PTPRJ: variants seen among roughly 807,000 people sequenced by gnomAD.
The protein encoded by PTPRJ is protein tyrosine phosphatase receptor type J, also known as receptor-type tyrosine-protein phosphatase eta.
In PTPRJ, 129 loss-of-function variants were observed where a neutral mutation model predicts 141.3. The ratio of observed to expected loss-of-function variants is 0.91; its 90% CI spans 0.79 to 1.06. The LOEUF is 1.06. PTPRJ is among the 50% of genes least tolerant of loss of function. The pLI is 0.00. For synonymous variants in PTPRJ, 610 were observed against 640.5 expected (o/e 0.95, Z 0.72); for missense variants, 1,601 against 1,679.7 (o/e 0.95, Z 0.82).
chr11:48,077,495 C>G (rs1855436042), intron 1 of PTPRJ, among the ~76,000 whole-genome samples: 2 of 152,198 alleles, frequency 1.3e-5, no homozygotes, highest in African/African-American at 4.8e-5. Flanking sequence ...GAATCCCTCC[C>G]AGTTTTGATG....
rs117170141 is a variant in PTPRJ, at chr11:48,032,846, C to T, written c.96+51838C>T. Among the ~76,000 whole-genome samples the T allele has an allele frequency of 5.5e-3, 843 of 152,290 alleles. 5 individuals are homozygous for T. Among genetic ancestry groups the T allele is most frequent in the Non-Finnish European group, 8.5e-3 (576 of 68,036 alleles). ...TTTATTCAACACAGTTTGTTCCAAA[C>T]ACTGGGGATATGCCCCAAACAGACC... On this transcript the variant is annotated intron_variant, in intron 1 of 24. Coordinates refer to ENST00000418331, the MANE Select transcript of PTPRJ (RefSeq NM_002843.4).
At chr11:48,006,232 C>T (rs1373007996) in intron 1 of PTPRJ, among the ~76,000 whole-genome samples, 5 of 152,082 alleles carry the variant, frequency 3.3e-5, no homozygotes, top group African/African-American at 1.2e-4. Context: ...TCATCTGGAA[C>T]CTGGGGCTCT....
intron 1 of PTPRJ, among the ~76,000 whole-genome samples, chr11:48,089,797 A>G (rs536246908): frequency 6.6e-6 from 1 of 152,280 alleles, no homozygotes; most frequent in South Asian, 2.1e-4. Flanking sequence ...TGGAGGGTGT[A>G]AGGTAGAGTG....
chr11:48,082,717 T>C (rs903862098), intron 1 of PTPRJ, among the ~76,000 whole-genome samples: 1 of 151,954 alleles, frequency 6.6e-6, no homozygotes, highest in Admixed American at 6.6e-5. Context: ...CCTGGCCCAG[T>C]TGCTCTTTAC....
chr11:48,137,491 T>C (rs773375315), intron 10 of PTPRJ, among the ~76,000 whole-genome samples: 1 of 152,210 alleles, frequency 6.6e-6, no homozygotes, highest in Non-Finnish European at 1.5e-5. Context: ...ATATACCATA[T>C]GCCAGTCAAG....
At position 48,039,822 on chromosome 11, in the gene PTPRJ, A is replaced by G. The variant is rs1346020290; in HGVS notation, c.96+58814A>G. 2.7e-5 allele frequency among the ~76,000 whole-genome samples: 4 copies of G among 147,118 alleles called. No individual in the cohort carries two copies. In the East Asian group the frequency reaches 7.9e-4, roughly 29 times the overall value. On this transcript the variant is annotated intron_variant, in intron 1 of 24. Transcript: ENST00000418331. ...TTTTTTTTTGAGACAGAGTTTTGCT[A>G]TTGTCATCCAGGCTGGGGTGCAGTA...
chr11:48,128,678 C>G (rs1245286385), intron 7 of PTPRJ, among the ~76,000 whole-genome samples: 1 of 152,158 alleles, frequency 6.6e-6, no homozygotes, highest in Non-Finnish European at 1.5e-5. Flanking sequence ...TTTATAGACA[C>G]TGTAGTGGCC....
At chr11:48,095,579 C>A (rs1321507005) in intron 1 of PTPRJ, among the ~76,000 whole-genome samples, 8 of 137,024 alleles carry the variant, frequency 5.8e-5, no homozygotes, top group Admixed American at 1.5e-4. Context: ...CAAACATATA[C>A]TTTTTTTTTT....
chr11:48,165,910 G>T (rs1857905412), intron 24 of PTPRJ, among the ~76,000 whole-genome samples: 1 of 151,438 alleles, frequency 6.6e-6, no homozygotes, highest in Non-Finnish European at 1.5e-5. Flanking sequence ...CACCGGGCTG[G>T]ATTGCAGTGG....
chr11:48,154,098 G>T (rs1857547591), intron 19 of PTPRJ, among the ~76,000 whole-genome samples: 1 of 152,228 alleles, frequency 6.6e-6, no homozygotes, highest in South Asian at 2.1e-4. Flanking sequence ...GCCTTATGAA[G>T]TAGGTAGTAG....
Position 48,123,839 on chromosome 11 carries a change from G to C in PTPRJ, c.843G>C (p.Lys281Asn). The C allele has an allele frequency of 1.2e-6, 2 of 1,614,096 alleles. No individual in the cohort carries two copies. Among genetic ancestry groups the C allele is most frequent in the Non-Finnish European group, 1.7e-6 (2 of 1,179,998 alleles). The change falls in exon 5 of 25, where the codon AAG (lysine) becomes AAC (asparagine). Residue 281 changes from lysine to asparagine, a missense_variant. Lys to Asn is a moderately conservative substitution (Grantham distance 94). Coordinates refer to ENST00000418331, the MANE Select transcript of PTPRJ (RefSeq NM_002843.4). The part of the protein sequence containing the change: ...NPYLLQSNKT[K>N]GDPLGTEGGL... ...ATCTTCTACAATCAAATAAGACAAAGGGAGACCCCTTGGGCACAGAAGGTG... is the reference window on the plus strand; with the variant it reads ...ATCTTCTACAATCAAATAAGACAAACGGAGACCCCTTGGGCACAGAAGGTG...
intron 1 of PTPRJ, among the ~76,000 whole-genome samples, chr11:47,986,113 C>T (rs1430108883): frequency 6.6e-6 from 1 of 152,158 alleles, no homozygotes; most frequent in Admixed American, 6.6e-5. Context: ...GGACATGCTA[C>T]CTTTATTTTG....
rs374139660 is a variant in PTPRJ, at chr11:48,123,705, C to T, written c.709C>T (p.Arg237Trp). Reference protein sequence around the residue: ...WSNGNGTASCRVLLESIGSHE... With the variant: ...WSNGNGTASCWVLLESIGSHE... ...CAATGGCAATGGCACTGCCTCCTGC[C>T]GGGTTCTTCTTGAAAGCATTGGAAG... The change falls in exon 5 of 25, where the codon CGG (arginine) becomes TGG (tryptophan). Residue 237 changes from arginine (R) to tryptophan (W), a missense_variant. Coordinates refer to ENST00000418331, the MANE Select transcript of PTPRJ (RefSeq NM_002843.4). 1.2e-5 allele frequency: 19 copies of T among 1,614,000 alleles called. No homozygotes were observed. The highest frequency in any genetic ancestry group is 6.7e-5 in the East Asian group (3 of 44,882).
chr11:48,024,635 G>C (rs1017997841), intron 1 of PTPRJ, among the ~76,000 whole-genome samples: 2 of 152,232 alleles, frequency 1.3e-5, no homozygotes, highest in Non-Finnish European at 1.5e-5. Flanking sequence ...TGAGTGTCAG[G>C]CACTGTACAT....
At chr11:48,019,214 G>T (rs1388009304) in intron 1 of PTPRJ, among the ~76,000 whole-genome samples, 1 of 152,132 alleles carries the variant, frequency 6.6e-6, no homozygotes. Context: ...TGTGGCAGGG[G>T]CTGGGCGGGC....
At chr11:48,073,469 G>A (rs1488360197) in intron 1 of PTPRJ, among the ~76,000 whole-genome samples, 4 of 152,212 alleles carry the variant, frequency 2.6e-5, no homozygotes, top group Non-Finnish European at 5.9e-5. Context: ...AGAGATAACT[G>A]TAAGTGCTTA....
At chr11:48,028,834 A>C (rs549521884) in intron 1 of PTPRJ, among the ~76,000 whole-genome samples, 1 of 152,312 alleles carries the variant, frequency 6.6e-6, no homozygotes, top group South Asian at 2.1e-4. Flanking sequence ...GGGTGAATCA[A>C]ACACGTCTGC....
Position 48,144,882 on chromosome 11 carries a change from A to G in PTPRJ, c.2783A>G (p.Tyr928Cys). The change falls in exon 13 of 25, where the codon TAC becomes TGC. Residue 928 changes from tyrosine to cysteine, a missense_variant. Tyr to Cys is a radical substitution (Grantham distance 194, BLOSUM62 -2). Transcript: ENST00000418331. Reference sequence around the variant, plus strand: ...GGGAAGCTGGAACCTCTGGGCTCCTACCGGTAATGTCTTCTGGTTCTTACT... The same window carrying G: ...GGGAAGCTGGAACCTCTGGGCTCCTGCCGGTAATGTCTTCTGGTTCTTACT... ...YNGKLEPLGS[Y>C]RACVAGFTNI... 1 of 1,614,140 alleles carries G rather than the reference A, an allele frequency of 6.2e-7. No homozygotes were observed. The highest frequency in any genetic ancestry group is 8.5e-7 in the Non-Finnish European group (1 of 1,179,968).
intron 1 of PTPRJ, among the ~76,000 whole-genome samples, chr11:48,009,549 T>C (rs866130537): frequency 6.6e-5 from 10 of 152,198 alleles, no homozygotes; most frequent in South Asian, 2.1e-4. Flanking sequence ...CGAGCCGAGA[T>C]TGTGCCACTG....
Sources: gnomAD v4.1 joint callset for allele counts (sites outside exome capture counted in the v4.1 genomes callset) on GRCh38, gnomAD v4.1.1 for gene constraint, MANE v1.5 for transcripts, NCBI Gene and HGNC (gene_info 2026-07-23, HGNC 2026-07-21) for gene names.